Variants in AFF1 observed in about 807,000 individuals in gnomAD.
AFF1 encodes ALF transcription elongation factor 1.
In AFF1, 48 loss-of-function variants were observed where a neutral mutation model predicts 121.7. The ratio of observed to expected loss-of-function variants is 0.39; its 90% CI spans 0.31 to 0.50. AFF1 has a LOEUF of 0.50. Among genes scored for constraint, AFF1 ranks in the 20% least tolerant of loss-of-function variants. The pLI, the probability that AFF1 is intolerant of heterozygous loss-of-function variation, is 0.76. For missense variants in AFF1, 1,523 were observed against 1,511.7 expected, an observed-to-expected ratio of 1.01 and a Z score of -0.12; for synonymous variants, 613 against 563.0, an observed-to-expected ratio of 1.09 and a Z score of -1.26.
At chr4:86,949,521 A>AATTATTATTATT (rs527785303) in intron 2 of AFF1, 26 of 236,572 alleles carry the variant, frequency 1.1e-4, no homozygotes, top group Middle Eastern at 1.5e-3. Flanking sequence ...TCTATTTATT[A>AATTATTATTATT]ATTATTATTA....
At chr4:87,044,404 G>A (rs564393402) in intron 2 of AFF1, among the ~76,000 whole-genome samples, 6 of 152,272 alleles carry the variant, frequency 3.9e-5, no homozygotes, top group East Asian at 1.9e-4. Context: ...CTAAATTTGC[G>A]AGGTTCGTTT....
At chr4:86,942,951 C>T (rs527888579) in intron 1 of AFF1, among the ~76,000 whole-genome samples, 1 of 152,210 alleles carries the variant, frequency 6.6e-6, no homozygotes, top group Admixed American at 6.5e-5. Flanking sequence ...TTATTACTTA[C>T]AGCTAAACAC....
intron 11 of AFF1, among the ~76,000 whole-genome samples, chr4:87,111,811 C>A (rs1726570427): frequency 6.6e-6 from 1 of 152,202 alleles, no homozygotes; most frequent in Non-Finnish European, 1.5e-5. Context: ...ATTTTACCCT[C>A]AAATTGGGAC....
chr4:86,983,360 C>CTACTAAAATATAAAATA (rs1723925643), intron 2 of AFF1, among the ~76,000 whole-genome samples: 1 of 151,986 alleles, frequency 6.6e-6, no homozygotes, highest in Non-Finnish European at 1.5e-5. Context: ...AACCTCGTCT[C>CTACTAAAATATAAAATA]TACTAAAAAT....
intron 2 of AFF1, among the ~76,000 whole-genome samples, chr4:87,041,796 C>T (rs1044521777): frequency 3.3e-5 from 5 of 152,158 alleles, no homozygotes; most frequent in African/African-American, 4.8e-5. Flanking sequence ...GGGTGGATCA[C>T]TTGAGGTCAG....
At chr4:87,101,908 A>G (rs1281232439) in intron 8 of AFF1, among the ~76,000 whole-genome samples, 1 of 152,222 alleles carries the variant, frequency 6.6e-6, no homozygotes, top group Admixed American at 6.5e-5. Flanking sequence ...AGATGTTACA[A>G]AATATTGGCA....
intron 2 of AFF1, among the ~76,000 whole-genome samples, chr4:87,036,024 C>T (rs1192459892): frequency 1.3e-5 from 2 of 152,088 alleles, no homozygotes; most frequent in Non-Finnish European, 2.9e-5. Flanking sequence ...CTGGTTGATC[C>T]TAGTACAGAC....
rs1468942270 is a variant in AFF1, at chr4:87,131,262, T to C, written c.3101+43T>C. ...GTGCTTTCCTCTTAAGTCCTTTTCT[T>C]TCCTCACCTTTATTGTTTTAATCCA... On this transcript the variant is annotated intron_variant, in intron 17 of 20. Transcript: ENST00000395146. 8.7e-6 allele frequency: 14 copies of C among 1,607,022 alleles called. No individual in the cohort carries two copies. In the Admixed American group the frequency reaches 1.5e-4, roughly 17 times the overall value.
chr4:87,114,625 C>T lies in AFF1; in HGVS notation c.1792C>T (p.Gln598Ter). 1 of 1,610,476 alleles carries T rather than the reference C, an allele frequency of 6.2e-7. No individual in the cohort carries two copies. The highest frequency in any genetic ancestry group is 8.5e-7 in the Non-Finnish European group (1 of 1,179,412). Residue 598 changes from glutamine (Q) to a stop codon, truncating the protein, a stop_gained, in exon 12 of 21, where the codon CAG (glutamine) becomes TAG (stop). Transcript: ENST00000395146. LOFTEE classifies it high-confidence loss of function. ...GKRSCQKSPA[Q>*]QEPPQRQTVG... is the part of the protein sequence containing the mutation. ...GAGGAGCTGTCAGAAGTCTCCGGCACAGCAGGAGCCCCCACAAAGGCAAAC... is the reference window on the plus strand; with the variant it reads ...GAGGAGCTGTCAGAAGTCTCCGGCATAGCAGGAGCCCCCACAAAGGCAAAC...
chr4:87,057,692 A>G (rs1003604317), intron 4 of AFF1, among the ~76,000 whole-genome samples: 12 of 152,336 alleles, frequency 7.9e-5, no homozygotes, highest in Middle Eastern at 3.4e-3. Context: ...TACTTTAGAA[A>G]TGAAGTTGGA....
rs538586714 is a variant in AFF1, at chr4:87,046,291, T to G, written c.159+5T>G. 1.2e-6 allele frequency: 2 copies of G among 1,610,238 alleles called. No homozygotes were observed. Among genetic ancestry groups the G allele is most frequent in the African/African-American group, 2.7e-5 (2 of 74,354 alleles). On this transcript the variant is annotated splice_donor_5th_base_variant and intron_variant, in intron 3 of 20. Coordinates refer to ENST00000395146, the MANE Select transcript of AFF1 (RefSeq NM_001166693.3). The stretch of plus-strand genomic sequence containing the variant: ...CTTTTTGGAGAGCCCTACAAGGTAT[T>G]TACTGAACACTAGACATTGAAGTCC...
chr4:87,058,868 G>A (rs1023893870), intron 4 of AFF1, among the ~76,000 whole-genome samples: 8 of 152,038 alleles, frequency 5.3e-5, no homozygotes, highest in Admixed American at 2.0e-4. Context: ...TGCCTCTGCC[G>A]GCAGGAGCCA....
intron 4 of AFF1, among the ~76,000 whole-genome samples, chr4:87,081,323 G>C (rs1247182646): frequency 6.6e-6 from 1 of 151,846 alleles, no homozygotes; most frequent in Admixed American, 6.6e-5. Flanking sequence ...CACCACGCCT[G>C]GCTAATTTTT....
intron 4 of AFF1, among the ~76,000 whole-genome samples, chr4:87,082,045 G>A (rs1202775441): frequency 6.6e-6 from 1 of 152,084 alleles, no homozygotes; most frequent in Non-Finnish European, 1.5e-5. Context: ...TGGAAACAAC[G>A]GACAAATCTT....
intron 14 of AFF1, 39 bp downstream of exon 14, chr4:87,126,375 A>C: frequency 2.5e-6 from 4 of 1,574,142 alleles, no homozygotes; most frequent in Non-Finnish European, 3.5e-6. Context: ...GATGGGATGC[A>C]TTGCTGTACC....
At chr4:87,006,976 A>G (rs1726197958) in intron 2 of AFF1, 2 of 1,054,032 alleles carry the variant, frequency 1.9e-6, no homozygotes, top group Non-Finnish European at 2.3e-6. Flanking sequence ...GACAACTTCA[A>G]GTGAGCCCAG....
chr4:87,041,342 CTGT>C (rs1483042359), intron 2 of AFF1, among the ~76,000 whole-genome samples: 4 of 152,224 alleles, frequency 2.6e-5, no homozygotes, highest in East Asian at 3.9e-4. Context: ...GCTGCTGCTG[CTGT>C]TATCATTGCT....
intron 7 of AFF1, among the ~76,000 whole-genome samples, chr4:87,093,430 G>A (rs909128665): frequency 6.6e-6 from 1 of 152,218 alleles, no homozygotes; most frequent in African/African-American, 2.4e-5. Flanking sequence ...ATTTCTTAAA[G>A]TATGCCCAGC....
chr4:87,091,507 A>AT (rs764939507), intron 6 of AFF1, among the ~76,000 whole-genome samples: 5 of 152,264 alleles, frequency 3.3e-5, no homozygotes, highest in Non-Finnish European at 7.3e-5. Flanking sequence ...CAAAGGAAAA[A>AT]TAAACTCTAG....
Sources: gnomAD v4.1 joint callset for allele counts (sites outside exome capture counted in the v4.1 genomes callset) on GRCh38, gnomAD v4.1.1 for gene constraint, MANE v1.5 for transcripts, NCBI Gene and HGNC (gene_info 2026-07-23, HGNC 2026-07-21) for gene names.